DGKH: variants seen among roughly 807,000 people sequenced by gnomAD.
The protein encoded by DGKH is diacylglycerol kinase eta, also known as DAG kinase eta.
DGKH carries 90 observed loss-of-function variants against 159.3 expected under a neutral mutation model. The observed-to-expected ratio is 0.57, with a 90% confidence interval of 0.48 to 0.67. DGKH has a LOEUF of 0.67. DGKH is among the 30% of genes least tolerant of loss of function. DGKH has a pLI of 0.00. For synonymous variants in DGKH, 536 were observed against 553.8 expected (o/e 0.97, Z 0.45); for missense variants, 1,181 against 1,506.1 (o/e 0.78, Z 3.57).
At chr13:42,165,070 C>T (rs920408933) in intron 7 of DGKH, among the ~76,000 whole-genome samples, 3 of 152,048 alleles carry the variant, frequency 2.0e-5, no homozygotes, top group South Asian at 2.1e-4. Flanking sequence ...TCTCTCTCTT[C>T]GCCTTCAACA....
intron 1 of DGKH, among the ~76,000 whole-genome samples, chr13:42,065,800 TAACCCCA>T (rs773090513): frequency 4.8e-4 from 73 of 152,354 alleles, no homozygotes; most frequent in Non-Finnish European, 7.8e-4. Flanking sequence ...GTCATCATTG[TAACCCCA>T]TGTTTGTCTG....
intron 1 of DGKH, among the ~76,000 whole-genome samples, chr13:42,076,152 C>G (rs763829280): frequency 6.6e-6 from 1 of 151,812 alleles, no homozygotes; most frequent in Non-Finnish European, 1.5e-5. Flanking sequence ...TTAAAAAAAC[C>G]GAAGTCTGTA....
rs566487603 is a variant in DGKH, at chr13:42,157,957, A to G, written c.623-1309A>G. 2.0e-5 allele frequency among the ~76,000 whole-genome samples: 3 copies of G among 152,202 alleles called. No individual in the cohort carries two copies. In the South Asian group the frequency reaches 6.2e-4, roughly 32 times the overall value. Reference sequence around the variant, plus strand: ...TTATTTTTAGTAGAGACAAGGTTTCACCTTTGTGACCAGGCTGGTCTCAAA... The same window carrying G: ...TTATTTTTAGTAGAGACAAGGTTTCGCCTTTGTGACCAGGCTGGTCTCAAA... On this transcript the variant is annotated intron_variant, in intron 5 of 29. Transcript: ENST00000337343.
downstream of DGKH, among the ~76,000 whole-genome samples, chr13:42,246,422 A>G (rs893871904): frequency 6.6e-6 from 1 of 152,156 alleles, no homozygotes; most frequent in Non-Finnish European, 1.5e-5. Flanking sequence ...CCTCATCTCT[A>G]TTAAAAAAAA....
intron 11 of DGKH, among the ~76,000 whole-genome samples, chr13:42,172,361 G>T (rs1956482146): frequency 6.6e-6 from 1 of 151,892 alleles, no homozygotes; most frequent in Non-Finnish European, 1.5e-5. Flanking sequence ...CTCGTGATCT[G>T]CCCGCCTCAG....
chr13:42,151,604 C>CAT (rs1328864706), intron 3 of DGKH, among the ~76,000 whole-genome samples: 1 of 130,510 alleles, frequency 7.7e-6, no homozygotes, highest in Non-Finnish European at 1.7e-5. Flanking sequence ...CACACACACA[C>CAT]ACACACACAC....
At chr13:42,049,013 G>GGAGA (rs1881016184) in intron 1 of DGKH, 48 bp downstream of exon 1, 1 of 1,253,288 alleles carries the variant, frequency 8.0e-7, no homozygotes, top group Non-Finnish European at 1.0e-6. Context: ...AGCGGGAGGT[G>GGAGA]GAGAGGGCGC....
Position 42,155,899 on chromosome 13 carries a change from T to C in DGKH, c.622+100T>C, listed in dbSNP as rs894634270. On this transcript the variant is annotated intron_variant, in intron 5 of 29. Transcript: ENST00000337343. ...AGCTTAAAATTGAGCTCTCCACACA[T>C]AGGACTAGCTTGGAAAATATTTTTG... 2.5e-5 allele frequency: 34 copies of C among 1,340,634 alleles called. No homozygotes were observed. In the Admixed American group the frequency reaches 8.1e-4, roughly 32 times the overall value. The allele number at this position is 1,340,634 out of a possible 1,614,324, so 83.0% of individuals were successfully genotyped here. A position where few individuals can be genotyped will look rare whatever the true frequency, so the allele number is the denominator to read the frequency against.
intron 13 of DGKH, among the ~76,000 whole-genome samples, chr13:42,181,302 A>T (rs990673941): frequency 1.0e-4 from 15 of 149,198 alleles, no homozygotes; most frequent in Non-Finnish European, 2.1e-4. Flanking sequence ...AAAAAAAAAG[A>T]ATATCCTCTT....
At chr13:42,228,609 A>AGAGAGAGAGAGG (rs1958199556) in intron 29 of DGKH, among the ~76,000 whole-genome samples, 1 of 151,742 alleles carries the variant, frequency 6.6e-6, no homozygotes. Flanking sequence ...TTTGAGAGAG[A>AGAGAGAGAGAGG]GAGAGAGAGA....
chr13:42,208,697 A>G (rs1397518664), intron 21 of DGKH, among the ~76,000 whole-genome samples: 1 of 151,900 alleles, frequency 6.6e-6, no homozygotes, highest in Non-Finnish European at 1.5e-5. Flanking sequence ...ATTTAGAAAT[A>G]TATTAGTTAA....
rs1285296608 is a variant in DGKH at position 42,236,173 on chromosome 13, A to G, written c.*6985A>G. On this transcript the variant is annotated 3_prime_UTR_variant, in exon 30 of 30. Transcript: ENST00000337343. ...TCAAAAGAAGGTTTCCACAAGTTGT[A>G]TAAATCAGTGCATTTATTTATTATG... 2 of 152,228 alleles carry G rather than the reference A, an allele frequency of 1.3e-5. No homozygotes were observed. The highest frequency in any genetic ancestry group is 4.8e-5 in the African/African-American group (2 of 41,470). 9.4% of individuals were successfully genotyped at this position (152,228 alleles called of 1,614,324 possible).
chr13:42,050,882 A>AAC (rs1001336657), intron 1 of DGKH, among the ~76,000 whole-genome samples: 1 of 152,092 alleles, frequency 6.6e-6, no homozygotes, highest in African/African-American at 2.4e-5. Flanking sequence ...CAAACAAACA[A>AAC]ACGTGTATGT....
At chr13:42,245,522 C>A (rs1566237380), downstream of DGKH, among the ~76,000 whole-genome samples, 2 of 151,958 alleles carry the variant, frequency 1.3e-5, no homozygotes, top group Non-Finnish European at 2.9e-5. Context: ...ATAAATGAAC[C>A]AGAATTTAAA....
intron 3 of DGKH, among the ~76,000 whole-genome samples, chr13:42,134,783 G>A (rs537523856): frequency 9.2e-5 from 14 of 151,892 alleles, no homozygotes; most frequent in African/African-American, 3.1e-4. Context: ...CAGGTGGATC[G>A]CTTGAGGCTA....
chr13:42,152,525 T>A (rs538183587), intron 3 of DGKH, among the ~76,000 whole-genome samples: 4 of 149,736 alleles, frequency 2.7e-5, no homozygotes, highest in South Asian at 4.2e-4. Context: ...TATATATATA[T>A]AAATCACATA....
intron 1 of DGKH, among the ~76,000 whole-genome samples, chr13:42,071,802 G>A (rs1266228334): frequency 6.6e-6 from 1 of 152,200 alleles, no homozygotes; most frequent in African/African-American, 2.4e-5. Context: ...CTCTGGCTGT[G>A]CTGGCGGCAG....
At chr13:42,184,916 G>T (rs1956875128) in intron 13 of DGKH, among the ~76,000 whole-genome samples, 1 of 151,012 alleles carries the variant, frequency 6.6e-6, no homozygotes, top group African/African-American at 2.4e-5. Context: ...ATTGATTAAA[G>T]ATATAATTAG....
chr13:42,131,299 T>C (rs2038882), intron 3 of DGKH, among the ~76,000 whole-genome samples: 19,639 of 152,136 alleles, frequency 0.13, 1,489 homozygotes, highest in South Asian at 0.18. Flanking sequence ...TTTGAATGCA[T>C]TTATATGAAG....
Sources: allele counts gnomAD v4.1 joint callset (sites outside exome capture counted in the v4.1 genomes callset), GRCh38; gene constraint gnomAD v4.1.1; transcripts MANE v1.5; gene names NCBI Gene and HGNC (gene_info 2026-07-23, HGNC 2026-07-21).